The following CLSTN2 variants were observed in gnomAD, a reference collection of about 807,000 sequenced individuals.
CLSTN2 encodes the protein calsyntenin 2.
CLSTN2 carries 48 observed loss-of-function variants against 101.2 expected under a neutral mutation model. The observed-to-expected ratio is 0.47, with a 90% confidence interval of 0.38 to 0.60. CLSTN2 has a LOEUF of 0.60. CLSTN2 is among the 20% of genes least tolerant of loss of function. The probability of loss-of-function intolerance (pLI) is 0.00; values close to 1 mark genes in which losing one functional copy is unlikely to be tolerated. For synonymous variants in CLSTN2, 481 were observed against 463.6 expected (o/e 1.04, Z -0.48); for missense variants, 1,160 against 1,238.2 (o/e 0.94, Z 0.95).
chr3:140,133,142 A>G (rs1348121651), intron 1 of CLSTN2, among the ~76,000 whole-genome samples: 1 of 152,132 alleles, frequency 6.6e-6, no homozygotes, highest in African/African-American at 2.4e-5. Context: ...GGGTGTAGAC[A>G]TGTCACATGG....
chr3:140,259,097 G>C (rs1465962577), intron 2 of CLSTN2, among the ~76,000 whole-genome samples: 1 of 151,080 alleles, frequency 6.6e-6, no homozygotes, highest in Non-Finnish European at 1.5e-5. Context: ...TTTTATCTTA[G>C]CCTCCATGTA....
At chr3:140,205,175 A>G (rs373624176) in intron 2 of CLSTN2, among the ~76,000 whole-genome samples, 1 of 152,230 alleles carries the variant, frequency 6.6e-6, no homozygotes, top group African/African-American at 2.4e-5. Context: ...GCCAAAGATC[A>G]CACAGCATCC....
At chr3:140,423,629 A>G (rs1281725318) in intron 5 of CLSTN2, among the ~76,000 whole-genome samples, 1 of 152,054 alleles carries the variant, frequency 6.6e-6, no homozygotes, top group Non-Finnish European at 1.5e-5. Context: ...TCAATCCTTT[A>G]TTCTTTAATT....
At chr3:139,992,108 G>C (rs1936125312) in intron 1 of CLSTN2, among the ~76,000 whole-genome samples, 1 of 152,146 alleles carries the variant, frequency 6.6e-6, no homozygotes. Flanking sequence ...CAAGTATTCT[G>C]TCTTCAAGGG....
intron 2 of CLSTN2, among the ~76,000 whole-genome samples, chr3:140,235,027 T>G (rs933820277): frequency 6.6e-6 from 1 of 152,150 alleles, no homozygotes; most frequent in South Asian, 2.1e-4. Flanking sequence ...TCTCCTTGGG[T>G]GTTTATTTAG....
At chr3:140,193,914 C>G (rs894143041) in intron 2 of CLSTN2, among the ~76,000 whole-genome samples, 2 of 151,978 alleles carry the variant, frequency 1.3e-5, no homozygotes, top group Non-Finnish European at 2.9e-5. Context: ...GCTGATGAGC[C>G]CATGCACTGA....
intron 5 of CLSTN2, among the ~76,000 whole-genome samples, chr3:140,432,451 G>A (rs2088642166): frequency 6.6e-6 from 1 of 152,168 alleles, no homozygotes; most frequent in Non-Finnish European, 1.5e-5. Context: ...TCCACTGACT[G>A]CAGCAGCGTG....
At chr3:140,304,613 G>A (rs2087094161) in intron 2 of CLSTN2, among the ~76,000 whole-genome samples, 1 of 152,080 alleles carries the variant, frequency 6.6e-6, no homozygotes, top group Non-Finnish European at 1.5e-5. Context: ...TGGGAGCTAG[G>A]GCTTCAACAT....
At chr3:140,023,777 T>G (rs146963429) in intron 1 of CLSTN2, among the ~76,000 whole-genome samples, 112 of 152,250 alleles carry the variant, frequency 7.4e-4, no homozygotes, top group African/African-American at 2.6e-3. Flanking sequence ...GCCTCGCATT[T>G]TCACCTCCCC....
At chr3:140,482,561 C>T (rs1210063975) in intron 8 of CLSTN2, among the ~76,000 whole-genome samples, 2 of 152,090 alleles carry the variant, frequency 1.3e-5, no homozygotes, top group African/African-American at 2.4e-5. Flanking sequence ...AGCTGTGAAT[C>T]GATCTGGTCC....
At chr3:140,208,540 T>C (rs1272308891) in intron 2 of CLSTN2, among the ~76,000 whole-genome samples, 3 of 152,222 alleles carry the variant, frequency 2.0e-5, no homozygotes, top group Admixed American at 6.5e-5. Flanking sequence ...CTGTTCTCAG[T>C]GCATGATGTG....
Position 140,564,104 on chromosome 3 carries a change from T to G in CLSTN2, c.2626T>G (p.Trp876Gly), listed in dbSNP as rs1224365667. The G allele has an allele frequency of 1.9e-6, 3 of 1,614,054 alleles. No homozygotes were observed. The highest frequency in any genetic ancestry group is 1.1e-5 in the South Asian group (1 of 91,082). ...TEAAKESEMD[W>G]DDSALTITVN... ...GGCTGCCAAGGAATCTGAGATGGAC[T>G]GGGACGATTCTGCGCTGACTATCAC... The change falls in exon 16 of 17, where the codon TGG (tryptophan) becomes GGG (glycine). Residue 876 changes from tryptophan (W) to glycine (G), a missense_variant. By Grantham distance (184) the Trp-to-Gly change is radical. Transcript: ENST00000458420.
intron 5 of CLSTN2, among the ~76,000 whole-genome samples, chr3:140,443,051 A>C (rs1932994816): frequency 6.6e-6 from 1 of 152,240 alleles, no homozygotes; most frequent in African/African-American, 2.4e-5. Context: ...CTGCAGTGTC[A>C]GCTGCCTGAA....
intron 2 of CLSTN2, among the ~76,000 whole-genome samples, chr3:140,378,816 G>C (rs767792587): frequency 1.3e-5 from 2 of 152,202 alleles, no homozygotes; most frequent in Admixed American, 1.3e-4. Flanking sequence ...AAAATAGCTA[G>C]CTCTCAGGAG....
In CLSTN2 at chr3:140,311,972, A is replaced by G. The variant is rs191574630; in HGVS notation, c.233-91657A>G. 5.6e-4 allele frequency among the ~76,000 whole-genome samples: 86 copies of G among 152,340 alleles called. 1 individual carries two copies. The highest frequency in any genetic ancestry group is 1.9e-3 in the African/African-American group (81 of 41,582). On this transcript the variant is annotated intron_variant, in intron 2 of 16. Transcript: ENST00000458420. ...ACATGTGTGTCATCAGTGTTCTTCA[A>G]TTCTCATTAGAGTCACTTAATTAGA... is the stretch of plus-strand genomic sequence containing the variant.
In CLSTN2 at chr3:140,217,780, A is replaced by G. The variant is rs1037797789; in HGVS notation, c.232+41707A>G. ...ATTTGCCTTAGAAAACCAGAACACT[A>G]TTGTTGGGCAAGAAAATGAAACTAT... On this transcript the variant is annotated intron_variant, in intron 2 of 16. Coordinates refer to ENST00000458420, the MANE Select transcript of CLSTN2 (RefSeq NM_022131.3). 2.0e-5 allele frequency among the ~76,000 whole-genome samples: 3 copies of G among 152,180 alleles called. No individual in the cohort carries two copies. The East Asian group carries it at 5.8e-4, about 29-fold the overall frequency.
intron 6 of CLSTN2, among the ~76,000 whole-genome samples, chr3:140,456,377 G>C (rs530425936): frequency 2.6e-5 from 4 of 152,132 alleles, no homozygotes; most frequent in Admixed American, 2.6e-4. Context: ...GAATCTTAAC[G>C]ATATTCACCG....
intron 2 of CLSTN2, among the ~76,000 whole-genome samples, chr3:140,352,781 G>T (rs966529895): frequency 6.6e-6 from 1 of 152,004 alleles, no homozygotes; most frequent in African/African-American, 2.4e-5. Flanking sequence ...ATCTTCTTCA[G>T]AGCAGGGAAA....
At chr3:140,177,570 A>T (rs1269430137) in intron 2 of CLSTN2, among the ~76,000 whole-genome samples, 2 of 152,116 alleles carry the variant, frequency 1.3e-5, no homozygotes, top group African/African-American at 4.8e-5. Context: ...CAGGAGAATC[A>T]TTTGAGGCCA....
Sources: allele counts gnomAD v4.1 joint callset (sites outside exome capture counted in the v4.1 genomes callset), GRCh38; gene constraint gnomAD v4.1.1; transcripts MANE v1.5; gene names NCBI Gene and HGNC (gene_info 2026-07-23, HGNC 2026-07-21).